EFR3A: variants seen among roughly 807,000 people sequenced by gnomAD.
EFR3A encodes the protein EFR3 homolog A.
In EFR3A, 76 loss-of-function variants were observed where a neutral mutation model predicts 104.4. That is an observed-to-expected ratio of 0.73 (90% CI 0.60 to 0.88). The LOEUF is 0.88. Among genes scored for constraint, EFR3A ranks in the 40% least tolerant of loss-of-function variants. EFR3A has a pLI of 0.00. For synonymous variants in EFR3A, 330 were observed against 330.0 expected, an observed-to-expected ratio of 1.00 and a Z score of 0.00; for missense variants, 985 against 1,012.5, an observed-to-expected ratio of 0.97 and a Z score of 0.37.
rs1252554957 is a variant in EFR3A at position 132,011,073 on chromosome 8, G to A, written c.*178G>A. On this transcript the variant is annotated 3_prime_UTR_variant, in exon 23 of 23. Coordinates refer to ENST00000254624, the MANE Select transcript of EFR3A (RefSeq NM_015137.6). ...GTTTTGGAGCTATATATAATTTCGA[G>A]TACTTTCAAAGATAGATTTATGCCA... is the stretch of plus-strand genomic sequence containing the variant. The A allele has an allele frequency of 8.0e-7, 1 of 1,254,266 alleles. No homozygotes were observed. The highest frequency in any genetic ancestry group is 1.0e-6 in the Non-Finnish European group (1 of 994,192). 77.7% of individuals were successfully genotyped at this position (1,254,266 alleles called of 1,614,324 possible).
At chr8:131,947,576 G>A (rs1412558367) in intron 4 of EFR3A, among the ~76,000 whole-genome samples, 2 of 151,362 alleles carry the variant, frequency 1.3e-5, no homozygotes, top group Non-Finnish European at 2.9e-5. Flanking sequence ...TGTTTGGGGG[G>A]TGGTGGACAG....
chr8:131,922,976 A>C (rs1055077469), intron 1 of EFR3A, among the ~76,000 whole-genome samples: 32 of 152,174 alleles, frequency 2.1e-4, no homozygotes, highest in African/African-American at 7.5e-4. Flanking sequence ...GCTTATTACT[A>C]ATAACACTTT....
At chr8:131,985,320 ATT>A (rs1334453917) in intron 16 of EFR3A, among the ~76,000 whole-genome samples, 1 of 152,180 alleles carries the variant, frequency 6.6e-6, no homozygotes, top group Non-Finnish European at 1.5e-5. Flanking sequence ...ACCTTATGTG[ATT>A]TATTCTATGA....
At chr8:131,911,524 A>G (rs1179660825) in intron 1 of EFR3A, among the ~76,000 whole-genome samples, 1 of 152,212 alleles carries the variant, frequency 6.6e-6, no homozygotes, top group Non-Finnish European at 1.5e-5. Flanking sequence ...AAGTGAAACC[A>G]AAGTAGTTTT....
chr8:131,964,822 A>C (rs1819605912), intron 8 of EFR3A, among the ~76,000 whole-genome samples: 1 of 152,206 alleles, frequency 6.6e-6, no homozygotes, highest in Non-Finnish European at 1.5e-5. Flanking sequence ...ATTGTACTAC[A>C]AGGCTACGGT....
At chr8:132,005,464 A>G (rs963770125) in intron 22 of EFR3A, among the ~76,000 whole-genome samples, 2 of 152,098 alleles carry the variant, frequency 1.3e-5, no homozygotes, top group African/African-American at 2.4e-5. Context: ...GCAGTAAAAT[A>G]CAGTGAGAAT....
At chr8:131,934,340 C>T (rs1817767223) in intron 1 of EFR3A, among the ~76,000 whole-genome samples, 2 of 152,082 alleles carry the variant, frequency 1.3e-5, no homozygotes, top group African/African-American at 4.8e-5. Context: ...ACTTGTTCTT[C>T]ACGGGAGTCC....
chr8:131,987,742 C>T (rs757491369), intron 18 of EFR3A, 40 bp downstream of exon 18: 1 of 1,541,434 alleles, frequency 6.5e-7, no homozygotes, highest in Admixed American at 2.2e-5. Context: ...CTGGTGATTG[C>T]TTATGTTATA....
intron 22 of EFR3A, among the ~76,000 whole-genome samples, chr8:132,004,897 A>G (rs1821958585): frequency 6.6e-6 from 1 of 152,222 alleles, no homozygotes; most frequent in Non-Finnish European, 1.5e-5. Flanking sequence ...AGAGATCACC[A>G]TATCACATTT....
rs564706680 is a variant in EFR3A, at chr8:131,931,238, T to C, written c.11-9261T>C. On this transcript the variant is annotated intron_variant, in intron 1 of 22. Coordinates refer to ENST00000254624, the MANE Select transcript of EFR3A (RefSeq NM_015137.6). ...CCACCCTTAGAGAAGCATTGTACTA[T>C]GGAAACATAGTTCGCTTTGATTGTA... Among the ~76,000 whole-genome samples the C allele has an allele frequency of 3.9e-5, 6 of 152,274 alleles. No individual in the cohort carries two copies. The South Asian group carries it at 1.2e-3, about 32-fold the overall frequency.
In EFR3A at chr8:131,987,711, A is replaced by T. The variant is rs1820962337; in HGVS notation, c.2065+9A>T. On this transcript the variant is annotated intron_variant, in intron 18 of 22. Transcript: ENST00000254624. ...TGTACCACAAGTAACAGGTAAGAGG[A>T]GGATAATTAGAACTTTCACTCTGGT... 1.3e-6 allele frequency: 2 copies of T among 1,575,358 alleles called. No homozygotes were observed. The highest frequency in any genetic ancestry group is 1.9e-5 in the Admixed American group (1 of 52,860).
intron 1 of EFR3A, among the ~76,000 whole-genome samples, chr8:131,932,463 A>G (rs573863414): frequency 9.2e-5 from 14 of 152,284 alleles, no homozygotes; most frequent in African/African-American, 3.4e-4. Flanking sequence ...TTTACAGGAA[A>G]TATTTAGCTT....
chr8:132,010,442 ATATATAT>A (rs1822283184), intron 22 of EFR3A, among the ~76,000 whole-genome samples: 3 of 132,464 alleles, frequency 2.3e-5, no homozygotes, highest in Non-Finnish European at 1.6e-5. Context: ...ATATATATAT[ATATATAT>A]AATGAAATAC....
rs193015589 is a variant in EFR3A at position 131,943,056 on chromosome 8, C to G, written c.88-1689C>G. Among the ~76,000 whole-genome samples the G allele has an allele frequency of 3.3e-5, 5 of 152,132 alleles. No individual in the cohort carries two copies. The East Asian group carries it at 7.7e-4, about 24-fold the overall frequency. On this transcript the variant is annotated intron_variant, in intron 2 of 22. Coordinates refer to ENST00000254624, the MANE Select transcript of EFR3A (RefSeq NM_015137.6). ...CATCCCTAATCCAAAAACCTGAAAT[C>G]TGAAATGCTCTGAAATCCAAAACTT...
At chr8:131,981,419 C>T (rs1820606659) in intron 14 of EFR3A, among the ~76,000 whole-genome samples, 2 of 152,156 alleles carry the variant, frequency 1.3e-5, no homozygotes, top group East Asian at 3.9e-4. Context: ...CATTTGTTGT[C>T]ATTAATGTAA....
intron 4 of EFR3A, among the ~76,000 whole-genome samples, chr8:131,948,732 C>A (rs552083905): frequency 3.3e-5 from 5 of 152,162 alleles, no homozygotes; most frequent in Admixed American, 1.3e-4. Flanking sequence ...CTCCAGTTAC[C>A]TACCTTAATT....
At chr8:131,978,814 C>A (rs765584129) in intron 12 of EFR3A, 33 bp from the exon 13 acceptor site, 2 of 1,445,672 alleles carry the variant, frequency 1.4e-6, no homozygotes, top group Admixed American at 2.5e-5. Flanking sequence ...GGACTCATGA[C>A]AAAAGGTTGT....
chr8:131,923,923 CT>C (rs1055272863), intron 1 of EFR3A, among the ~76,000 whole-genome samples: 3 of 152,008 alleles, frequency 2.0e-5, no homozygotes, highest in Admixed American at 2.0e-4. Context: ...GATTTAGTTT[CT>C]TTTTTTAAGC....
chr8:131,909,331 G>C, intron 1 of EFR3A, among the ~76,000 whole-genome samples: 1 of 152,194 alleles, frequency 6.6e-6, no homozygotes, highest in Non-Finnish European at 1.5e-5. Flanking sequence ...AGAGAGGATC[G>C]CTTTTGGCTG....
Sources: allele counts gnomAD v4.1 joint callset (sites outside exome capture counted in the v4.1 genomes callset), GRCh38; gene constraint gnomAD v4.1.1; transcripts MANE v1.5; gene names NCBI Gene and HGNC (gene_info 2026-07-23, HGNC 2026-07-21).